Variants in TMED5 observed in about 807,000 individuals in gnomAD.
TMED5 encodes the protein transmembrane emp24 domain-containing protein 5.
In TMED5, 27 loss-of-function variants were observed where a neutral mutation model predicts 23.0. The ratio of observed to expected loss-of-function variants is 1.17; its 90% CI spans 0.86 to 1.62. TMED5 has a LOEUF of 1.62. Ranked by LOEUF, TMED5 falls within the 40% of genes most tolerant of loss-of-function variation. The probability of loss-of-function intolerance (pLI) is 0.00; values close to 1 mark genes in which losing one functional copy is unlikely to be tolerated. For synonymous variants in TMED5, 97 were observed against 100.8 expected (o/e 0.96, Z 0.23); for missense variants, 248 against 273.7 (o/e 0.91, Z 0.66).
In TMED5 at chr1:93,153,221, A is replaced by AC. The variant is rs1408009628; in HGVS notation, c.*1448dup. 1 of 152,376 alleles carries AC rather than the reference A, an allele frequency of 6.6e-6. No homozygotes were observed. Among genetic ancestry groups the AC allele is most frequent in the Non-Finnish European group, 1.5e-5 (1 of 68,002 alleles). 9.4% of individuals were successfully genotyped at this position (152,376 alleles called of 1,614,324 possible). ...GTTAAATTACTAGTACTTGAGTAAG[A>AC]CCCCCATAGACTTCAAAAAGCTAGA... On this transcript the variant is annotated 3_prime_UTR_variant, in exon 4 of 4. Coordinates refer to ENST00000370282, the MANE Select transcript of TMED5 (RefSeq NM_016040.5).
chr1:93,160,451 G>T, intron 1 of TMED5: 1 of 388,582 alleles, frequency 2.6e-6, no homozygotes, highest in South Asian at 5.8e-5. Flanking sequence ...CTAAATTTAG[G>T]CCTTATGGAT....
At chr1:93,157,713 T>C (rs1374761598) in intron 2 of TMED5, among the ~76,000 whole-genome samples, 3 of 151,984 alleles carry the variant, frequency 2.0e-5, no homozygotes, top group South Asian at 2.1e-4. Flanking sequence ...AAAAAAGAAA[T>C]TACATTTAAA....
At chr1:93,159,528 G>A (rs567300445) in intron 2 of TMED5, among the ~76,000 whole-genome samples, 1 of 152,284 alleles carries the variant, frequency 6.6e-6, no homozygotes, top group South Asian at 2.1e-4. Flanking sequence ...TGAAAAGAGG[G>A]AAGTGAGGTG....
intron 1 of TMED5, among the ~76,000 whole-genome samples, chr1:93,178,299 C>T (rs1352113413): frequency 6.6e-6 from 1 of 152,184 alleles, no homozygotes; most frequent in African/African-American, 2.4e-5. Context: ...ACACACTAAC[C>T]ATCCCCACTT....
At position 93,153,331 on chromosome 1, in the gene TMED5, C is replaced by CA. The variant is rs2101120168; in HGVS notation, c.*1338dup. The CA allele has an allele frequency of 6.6e-6, 1 of 152,000 alleles. No individual in the cohort carries two copies. Among genetic ancestry groups the CA allele is most frequent in the African/African-American group, 2.4e-5 (1 of 41,362 alleles). 9.4% of individuals were successfully genotyped at this position (152,000 alleles called of 1,614,324 possible). On this transcript the variant is annotated 3_prime_UTR_variant, in exon 4 of 4. Transcript: ENST00000370282. Reference sequence around the variant, plus strand: ...TCTATGTTTCTAATCCTTACTTCAACATCAATAAATAAAGTGTTCAGAAAG... The same window carrying CA: ...TCTATGTTTCTAATCCTTACTTCAACAATCAATAAATAAAGTGTTCAGAAAG...
chr1:93,170,723 G>A (rs1316104368), intron 1 of TMED5, among the ~76,000 whole-genome samples: 3 of 152,232 alleles, frequency 2.0e-5, no homozygotes, highest in Non-Finnish European at 2.9e-5. Context: ...GAATCTTTAT[G>A]TCTAGCTAAG....
intron 1 of TMED5, among the ~76,000 whole-genome samples, chr1:93,168,732 G>C (rs892392714): frequency 2.6e-5 from 4 of 152,216 alleles, no homozygotes; most frequent in Non-Finnish European, 5.9e-5. Flanking sequence ...CTACTTGGGA[G>C]GCTGAGGCAG....
In TMED5 at chr1:93,151,900, CTTAT is replaced by C. The variant is rs1647891949; in HGVS notation, c.*2766_*2769del. 6.6e-6 allele frequency: 1 copy of C among 152,132 alleles called. No homozygotes were observed. The highest frequency in any genetic ancestry group is 2.4e-5 in the African/African-American group (1 of 41,422). 9.4% of individuals were successfully genotyped at this position (152,132 alleles called of 1,614,324 possible). ...ACATATCAGTACTCACAATACGTTG[CTTAT>C]TTAAGATGGCTGTTTATAAGTATAA... On this transcript the variant is annotated 3_prime_UTR_variant, in exon 4 of 4. Coordinates refer to ENST00000370282, the MANE Select transcript of TMED5 (RefSeq NM_016040.5).
chr1:93,170,508 A>G (rs551837577), intron 1 of TMED5, among the ~76,000 whole-genome samples: 3 of 152,286 alleles, frequency 2.0e-5, no homozygotes, highest in Non-Finnish European at 2.9e-5. Context: ...GCCTCCCCTC[A>G]GCCCCCCACT....
chr1:93,155,618 AAT>A (rs1297330422), intron 3 of TMED5, among the ~76,000 whole-genome samples: 2 of 151,188 alleles, frequency 1.3e-5, no homozygotes, highest in Non-Finnish European at 2.9e-5. Flanking sequence ...TGCCTGGTCA[AAT>A]GATTAAGTTT....
intron 1 of TMED5, among the ~76,000 whole-genome samples, chr1:93,174,555 T>C (rs761847178): frequency 6.6e-6 from 1 of 152,138 alleles, no homozygotes; most frequent in Admixed American, 6.6e-5. Context: ...AAAACCACAA[T>C]TATTTTTGCA....
chr1:93,180,174 A>G lies in TMED5; in HGVS notation c.69T>C (p.Pro23=). The G allele has an allele frequency of 4.3e-6, 7 of 1,613,282 alleles. No homozygotes were observed. Among genetic ancestry groups the G allele is most frequent in the Non-Finnish European group, 5.9e-6 (7 of 1,179,706 alleles). Residue 23 remains proline (P), a synonymous_variant, in exon 1 of 4, where the codon CCT becomes CCC. Transcript: ENST00000370282. ...LLAALPPVLL[P]GAAGFTPSLD... is the part of the protein sequence containing the mutation. ...GGGAAGGTGTGAAGCCGGCCGCCCC[A>G]GGCAGCAGCACCGGAGGCAGAGCGG...
Position 93,180,073 on chromosome 1 carries a change from G to A in TMED5, c.170C>T (p.Ser57Leu), listed in dbSNP as rs762564742. Residue 57 changes from serine to leucine, a missense_variant, in exon 1 of 4, where the codon TCG (serine) becomes TTG (leucine). Coordinates refer to ENST00000370282, the MANE Select transcript of TMED5 (RefSeq NM_016040.5). ...ACTTACTTGGTACTCGATCTCCAGCGAGGCCTTCAGGGGCATGGGCTGGTA... is the reference window on the plus strand; with the variant it reads ...ACTTACTTGGTACTCGATCTCCAGCAAGGCCTTCAGGGGCATGGGCTGGTA... Reference protein sequence around the residue: ...CFYQPMPLKASLEIEYQVLDG... With the variant: ...CFYQPMPLKALLEIEYQVLDG... 3.1e-6 allele frequency: 5 copies of A among 1,613,052 alleles called. No homozygotes were observed. The highest frequency in any genetic ancestry group is 1.7e-6 in the Non-Finnish European group (2 of 1,179,568).
At chr1:93,178,346 C>T (rs192612762) in intron 1 of TMED5, among the ~76,000 whole-genome samples, 5 of 152,100 alleles carry the variant, frequency 3.3e-5, no homozygotes, top group South Asian at 4.1e-4. Flanking sequence ...TCTTTTTGTT[C>T]GCTTTTCTGA....
intron 3 of TMED5, 70 bp from the exon 4 acceptor site, chr1:93,154,958 C>CACCCAGCCTCATTTT: frequency 8.6e-7 from 1 of 1,169,110 alleles, no homozygotes; most frequent in Non-Finnish European, 1.2e-6. Flanking sequence ...AAAAATGAGG[C>CACCCAGCCTCATTTT]TGGGTGCAGT....
Position 93,154,484 on chromosome 1 carries a change from G to A in TMED5, c.*186C>T, listed in dbSNP as rs770863397. The A allele has an allele frequency of 3.0e-5, 18 of 591,986 alleles. No individual in the cohort carries two copies. The highest frequency in any genetic ancestry group is 5.1e-5 in the Non-Finnish European group (17 of 335,896). 36.7% of individuals were successfully genotyped at this position (591,986 alleles called of 1,614,324 possible). On this transcript the variant is annotated 3_prime_UTR_variant, in exon 4 of 4. Coordinates refer to ENST00000370282, the MANE Select transcript of TMED5 (RefSeq NM_016040.5). ...CAAAATATTCCTGTTACACACTTAA[G>A]TACAACTGGATCAGCAGGATTACTT...
At position 93,150,967 on chromosome 1, in the gene TMED5, GT is replaced by G. The variant is rs1432861672; in HGVS notation, c.*3702del. On this transcript the variant is annotated 3_prime_UTR_variant, in exon 4 of 4. Coordinates refer to ENST00000370282, the MANE Select transcript of TMED5 (RefSeq NM_016040.5). ...AAACAACACAAGTACTAAAACGAGG[GT>G]TTTTGTTTGTAAAACTGTCAATTAG... The G allele has an allele frequency of 6.6e-6, 1 of 152,130 alleles. No homozygotes were observed. Among genetic ancestry groups the G allele is most frequent in the East Asian group, 1.9e-4 (1 of 5,196 alleles). The allele number at this position is 152,130 out of a possible 1,614,324, so 9.4% of individuals were successfully genotyped here. A position where few individuals can be genotyped will look rare whatever the true frequency, so the allele number is the denominator to read the frequency against.
intron 1 of TMED5, among the ~76,000 whole-genome samples, chr1:93,165,929 C>T (rs1397987133): frequency 6.6e-6 from 1 of 152,176 alleles, no homozygotes; most frequent in Non-Finnish European, 1.5e-5. Flanking sequence ...CTCTTCCCAG[C>T]CTTTGTTAAC....
Position 93,156,322 on chromosome 1 carries a change from T to G in TMED5, c.449A>C (p.Asp150Ala). The change falls in exon 3 of 4, where the codon GAT becomes GCT. Residue 150 changes from aspartate to alanine, a missense_variant. Transcript: ENST00000370282. ...GACCAGGATGTCTTCCAGTTTCATA[T>G]CCAATATATCTGTGCCAGTAATATA... Reference protein sequence around the residue: ...KKYITGTDILDMKLEDILESI... With the variant: ...KKYITGTDILAMKLEDILESI... 1 of 1,613,792 alleles carries G rather than the reference T, an allele frequency of 6.2e-7. No individual in the cohort carries two copies. The highest frequency in any genetic ancestry group is 8.5e-7 in the Non-Finnish European group (1 of 1,179,802).
Sources: allele counts gnomAD v4.1 joint callset (sites outside exome capture counted in the v4.1 genomes callset), GRCh38; gene constraint gnomAD v4.1.1; transcripts MANE v1.5; gene names NCBI Gene and HGNC (gene_info 2026-07-23, HGNC 2026-07-21).